The following STRBP variants were observed in gnomAD, a reference collection of about 807,000 sequenced individuals.
STRBP encodes the protein spermatid perinuclear RNA binding protein, also known as spermatid perinuclear RNA-binding protein.
A neutral mutation model predicts 80.1 loss-of-function variants in STRBP; 13 were observed. That is an observed-to-expected ratio of 0.16 (90% confidence interval 0.11 to 0.26). The LOEUF (loss-of-function observed/expected upper bound fraction) is 0.26. Among genes scored for constraint, STRBP ranks in the 10% least tolerant of loss-of-function variants. The pLI, the probability that STRBP is intolerant of heterozygous loss-of-function variation, is 1.00. For synonymous variants in STRBP, 284 were observed against 291.2 expected, an observed-to-expected ratio of 0.98 and a Z score of 0.25; for missense variants, 485 against 815.2, an observed-to-expected ratio of 0.59 and a Z score of 4.93.
At chr9:123,186,670 G>A (rs1460602878) in intron 2 of STRBP, among the ~76,000 whole-genome samples, 1 of 151,852 alleles carries the variant, frequency 6.6e-6, no homozygotes, top group Non-Finnish European at 1.5e-5. Context: ...AGCAAACAAG[G>A]GACAAGACAT....
chr9:123,265,757 A>G (rs1027838156), intron 1 of STRBP, among the ~76,000 whole-genome samples: 1 of 152,204 alleles, frequency 6.6e-6, no homozygotes, highest in Non-Finnish European at 1.5e-5. Context: ...TCTTTCCTCA[A>G]TAAAGCTAAC....
At chr9:123,144,197 C>CAA (rs957671357) in intron 13 of STRBP, among the ~76,000 whole-genome samples, 44 of 69,002 alleles carry the variant, frequency 6.4e-4, no homozygotes, top group African/African-American at 1.3e-3. Context: ...GACTCCGTCT[C>CAA]AAAAAAAAAA....
chr9:123,224,773 A>T (rs1461343193), intron 2 of STRBP, among the ~76,000 whole-genome samples: 2 of 152,216 alleles, frequency 1.3e-5, no homozygotes, highest in African/African-American at 4.8e-5. Context: ...GTAGTAGTGG[A>T]AAGTGAAAAA....
chr9:123,246,158 G>A (rs966420193), intron 1 of STRBP, among the ~76,000 whole-genome samples: 1 of 152,164 alleles, frequency 6.6e-6, no homozygotes, highest in East Asian at 1.9e-4. Context: ...AAATAACCTC[G>A]TGACTTTCAC....
intron 1 of STRBP, among the ~76,000 whole-genome samples, chr9:123,266,763 G>A (rs2041275071): frequency 6.6e-6 from 1 of 151,838 alleles, no homozygotes; most frequent in African/African-American, 2.4e-5. Flanking sequence ...TTACAGACAT[G>A]TCCACATACA....
rs2040372050 is a variant in STRBP at position 123,230,687 on chromosome 9, A to T, written c.-165+6143T>A. Among the ~76,000 whole-genome samples, 3 of 152,316 alleles carry T rather than the reference A, an allele frequency of 2.0e-5. No individual in the cohort carries two copies. In the South Asian group the frequency reaches 6.2e-4, roughly 32 times the overall value. On this transcript the variant is annotated intron_variant, in intron 2 of 18. Transcript: ENST00000348403. The stretch of plus-strand genomic sequence containing the variant: ...GACACTGTAGGTGATGAGGCAATCT[A>T]TGTTTGGCTGCAAAAGCTATACACT...
In STRBP at chr9:123,146,942, G is replaced by A. The variant is rs2036837867; in HGVS notation, c.1251C>T (p.Val417=). The change falls in exon 13 of 19, where the codon GTC becomes GTT. Residue 417 remains valine (V), a synonymous_variant. Transcript: ENST00000348403. ...LSQSGPVHAP[V]FTMSVDVDGT... ...CATCCACATCTACAGACATTGTGAA[G>A]ACTGGGGCATGAACGGGGCCAGACT... The A allele has an allele frequency of 3.1e-6, 5 of 1,613,982 alleles. No homozygotes were observed. The highest frequency in any genetic ancestry group is 3.3e-5 in the Admixed American group (2 of 59,996).
chr9:123,235,584 CAAAAAAAAAAAAAAAAA>C (rs71390421), intron 2 of STRBP, among the ~76,000 whole-genome samples: 143 of 36,536 alleles, frequency 3.9e-3, no homozygotes, highest in Admixed American at 8.8e-3. Context: ...ACAAGTTCAG[CAAAAAAAAAAAAAAAAA>C]AAAAAAAAAA....
At chr9:123,190,517 A>G (rs1248249446) in intron 2 of STRBP, among the ~76,000 whole-genome samples, 2 of 152,040 alleles carry the variant, frequency 1.3e-5, no homozygotes, top group Non-Finnish European at 2.9e-5. Flanking sequence ...TTACTTATCA[A>G]TAGCTAATAT....
At chr9:123,191,648 T>C (rs2038930754) in intron 2 of STRBP, among the ~76,000 whole-genome samples, 1 of 152,176 alleles carries the variant, frequency 6.6e-6, no homozygotes, top group Non-Finnish European at 1.5e-5. Context: ...TTGAATTACA[T>C]GTAATTTTCA....
intron 2 of STRBP, among the ~76,000 whole-genome samples, chr9:123,189,427 G>A (rs1340955392): frequency 6.6e-6 from 1 of 150,542 alleles, no homozygotes; most frequent in East Asian, 2.0e-4. Flanking sequence ...TAACCTGCAC[G>A]TTGTGCACAT....
At chr9:123,130,904 T>C (rs765104282) in intron 17 of STRBP, among the ~76,000 whole-genome samples, 9 of 152,146 alleles carry the variant, frequency 5.9e-5, no homozygotes, top group Non-Finnish European at 1.0e-4. Context: ...CCCTTTCTTC[T>C]TCCCTGCCTC....
chr9:123,237,224 A>C (rs2040588059), intron 1 of STRBP, among the ~76,000 whole-genome samples: 1 of 152,148 alleles, frequency 6.6e-6, no homozygotes, highest in South Asian at 2.1e-4. Context: ...TTCCTACTGA[A>C]ATCTACAGTG....
chr9:123,208,724 T>A (rs894338659), intron 2 of STRBP, among the ~76,000 whole-genome samples: 1 of 152,212 alleles, frequency 6.6e-6, no homozygotes, highest in Non-Finnish European at 1.5e-5. Flanking sequence ...GGACAAAGTT[T>A]TAACATCCCC....
At chr9:123,243,610 C>T (rs1056830209) in intron 1 of STRBP, among the ~76,000 whole-genome samples, 3 of 151,768 alleles carry the variant, frequency 2.0e-5, no homozygotes, top group African/African-American at 4.8e-5. Context: ...ACCCTCAAAA[C>T]TCAACAGTTA....
chr9:123,158,541 G>T, intron 9 of STRBP, 112 bp from the exon 10 acceptor site: 1 of 864,114 alleles, frequency 1.2e-6, no homozygotes, highest in Non-Finnish European at 1.8e-6. Flanking sequence ...AAAAAAAACT[G>T]AGGAACTAAG....
intron 11 of STRBP, among the ~76,000 whole-genome samples, chr9:123,157,715 A>G (rs947742442): frequency 6.6e-6 from 1 of 151,978 alleles, no homozygotes; most frequent in African/African-American, 2.4e-5. Context: ...AGCCTCTTAT[A>G]AAACCATCAG....
chr9:123,205,003 C>T (rs1275551498), intron 2 of STRBP, among the ~76,000 whole-genome samples: 7 of 150,842 alleles, frequency 4.6e-5, no homozygotes, highest in Non-Finnish European at 1.0e-4. Context: ...GTAGCTCACA[C>T]GCCTGTAATC....
chr9:123,160,616 A>T (rs1588018159), intron 7 of STRBP, among the ~76,000 whole-genome samples, 154 bp from the exon 8 acceptor site: 1 of 152,348 alleles, frequency 6.6e-6, no homozygotes, highest in East Asian at 1.9e-4. Flanking sequence ...TTAAGGCTTA[A>T]AAAGGTACAT....
Sources: gnomAD v4.1 joint callset for allele counts (sites outside exome capture counted in the v4.1 genomes callset) on GRCh38, gnomAD v4.1.1 for gene constraint, MANE v1.5 for transcripts, NCBI Gene and HGNC (gene_info 2026-07-23, HGNC 2026-07-21) for gene names.